DYNC2H1: variants seen among roughly 807,000 people sequenced by gnomAD.
DYNC2H1 encodes cytoplasmic dynein 2 heavy chain 1.
A neutral mutation model predicts 570.0 loss-of-function variants in DYNC2H1; 410 were observed. The ratio of observed to expected loss-of-function variants is 0.72; its 90% CI spans 0.66 to 0.78. The LOEUF (loss-of-function observed/expected upper bound fraction) is 0.78, where lower values mean the gene tolerates loss of function less well. DYNC2H1 is among the 30% of genes least tolerant of loss of function. The pLI, the probability that DYNC2H1 is intolerant of heterozygous loss-of-function variation, is 0.00. For missense variants in DYNC2H1, 4,865 were observed against 5,046.4 expected, an observed-to-expected ratio of 0.96 and a Z score of 1.09; for synonymous variants, 1,688 against 1,677.6, an observed-to-expected ratio of 1.01 and a Z score of -0.15.
At position 103,149,388 on chromosome 11, in the gene DYNC2H1, T is replaced by C. The variant is rs1591318824; in HGVS notation, c.2946+771T>C. Among the ~76,000 whole-genome samples the C allele has an allele frequency of 2.6e-5, 4 of 152,340 alleles. No individual in the cohort carries two copies. In the South Asian group the frequency reaches 8.3e-4, roughly 32 times the overall value. On this transcript the variant is annotated intron_variant, in intron 20 of 88. Transcript: ENST00000375735. Reference sequence around the variant, plus strand: ...GCCCAGAATAGACAAGCCAAAGTTTTATAACATATTATAGAGATTTTAGTT... The same window carrying C: ...GCCCAGAATAGACAAGCCAAAGTTTCATAACATATTATAGAGATTTTAGTT...
intron 88 of DYNC2H1, among the ~76,000 whole-genome samples, chr11:103,477,966 T>G (rs1465284689): frequency 6.6e-6 from 1 of 150,976 alleles, no homozygotes; most frequent in Non-Finnish European, 1.5e-5. Flanking sequence ...ATATAAAAGA[T>G]GAACTTGTAT....
rs1861651550 is a variant in DYNC2H1 at position 103,173,321 on chromosome 11, C to G, written c.5558+16C>G. ...ATCTATCTAGGTGAGTTTTCTTGTT[C>G]TAAATATTTTTATATTTTACATTTC... On this transcript the variant is annotated intron_variant, in intron 35 of 88. Transcript: ENST00000375735. 1.5e-5 allele frequency: 22 copies of G among 1,480,150 alleles called. No homozygotes were observed. The highest frequency in any genetic ancestry group is 2.6e-5 in the East Asian group (1 of 38,552). 91.7% of individuals were successfully genotyped at this position (1,480,150 alleles called of 1,614,324 possible). A position where few individuals can be genotyped will look rare whatever the true frequency, so the allele number is the denominator to read the frequency against.
intron 83 of DYNC2H1, among the ~76,000 whole-genome samples, chr11:103,371,996 A>C (rs567104921): frequency 1.2e-3 from 129 of 110,604 alleles, no homozygotes; most frequent in African/African-American, 4.5e-3. Flanking sequence ...TCCTATGTTG[A>C]ATAAAAGTAG....
At chr11:103,438,366 T>C (rs1392696289) in intron 85 of DYNC2H1, among the ~76,000 whole-genome samples, 3 of 152,144 alleles carry the variant, frequency 2.0e-5, no homozygotes, top group Non-Finnish European at 2.9e-5. Context: ...CAGCTTGTGA[T>C]ACTTGGAGAG....
rs541991692 is a variant in DYNC2H1 at position 103,479,032 on chromosome 11, A to G, written c.12766-63A>G. ...TATTAATATGTTTGTTTCCTTGGTTATCTAATAATCTGTTTCCAAATAGTG... is the reference window on the plus strand; with the variant it reads ...TATTAATATGTTTGTTTCCTTGGTTGTCTAATAATCTGTTTCCAAATAGTG... On this transcript the variant is annotated intron_variant, in intron 88 of 88. Coordinates refer to ENST00000375735, the MANE Select transcript of DYNC2H1 (RefSeq NM_001377.3). The G allele has an allele frequency of 8.4e-6, 13 of 1,545,618 alleles. No homozygotes were observed. The South Asian group carries it at 1.5e-4, about 18-fold the overall frequency.
intron 69 of DYNC2H1, among the ~76,000 whole-genome samples, chr11:103,258,699 T>C (rs1293827574): frequency 6.6e-6 from 1 of 152,184 alleles, no homozygotes; most frequent in Non-Finnish European, 1.5e-5. Context: ...TGTGTTTCAG[T>C]GAATAAGGCT....
At chr11:103,431,235 TA>T in intron 84 of DYNC2H1, among the ~76,000 whole-genome samples, 1 of 131,806 alleles carries the variant, frequency 7.6e-6, no homozygotes, top group African/African-American at 2.8e-5. Context: ...AAAAAAAAAC[TA>T]AAAAACTTTA....
chr11:103,470,141 A>G (rs750380547), intron 88 of DYNC2H1, among the ~76,000 whole-genome samples: 1 of 152,178 alleles, frequency 6.6e-6, no homozygotes, highest in Non-Finnish European at 1.5e-5. Flanking sequence ...CCACGTACTG[A>G]ACGCAAATCA....
At chr11:103,162,094 A>G (rs2134924102) in intron 29 of DYNC2H1, among the ~76,000 whole-genome samples, 1 of 152,256 alleles carries the variant, frequency 6.6e-6, no homozygotes, top group East Asian at 1.9e-4. Flanking sequence ...GGATATACAC[A>G]GAGGGACAGA....
At chr11:103,165,113 T>C (rs1861247963) in intron 30 of DYNC2H1, among the ~76,000 whole-genome samples, 1 of 152,144 alleles carries the variant, frequency 6.6e-6, no homozygotes, top group African/African-American at 2.4e-5. Flanking sequence ...AAAAGAACCA[T>C]AATGTAATAT....
At chr11:103,332,544 TG>T (rs1938870894) in intron 82 of DYNC2H1, among the ~76,000 whole-genome samples, 1 of 152,096 alleles carries the variant, frequency 6.6e-6, no homozygotes, top group Non-Finnish European at 1.5e-5. Context: ...GAAAGTATTG[TG>T]GGGGAAACAC....
intron 12 of DYNC2H1, among the ~76,000 whole-genome samples, chr11:103,127,245 A>C (rs2134743147): frequency 6.6e-6 from 1 of 152,332 alleles, no homozygotes. Context: ...CTGACACAAT[A>C]GGAGCTCAAA....
chr11:103,241,427 A>G lies in DYNC2H1; in HGVS notation c.9820-2266A>G. ...CTGTCTGGAGACGTAAAATAAGATG[A>G]CAACAAACTTTTAAGTACCCTTTGA... On this transcript the variant is annotated intron_variant, in intron 63 of 88. Coordinates refer to ENST00000375735, the MANE Select transcript of DYNC2H1 (RefSeq NM_001377.3). This position sits in a 1 kb window ranked among gnomAD's most constrained non-coding sequence, Gnocchi z 5.1. 9.8e-7 allele frequency: 1 copy of G among 1,023,182 alleles called. No individual in the cohort carries two copies. The highest frequency in any genetic ancestry group is 1.5e-6 in the Non-Finnish European group (1 of 681,860). 63.4% of individuals were successfully genotyped at this position (1,023,182 alleles called of 1,614,324 possible).
intron 54 of DYNC2H1, among the ~76,000 whole-genome samples, chr11:103,214,923 G>C (rs1036255261): frequency 6.6e-6 from 1 of 151,500 alleles, no homozygotes; most frequent in African/African-American, 2.4e-5. Context: ...CTGTAAATAG[G>C]ATTGCCTTCT....
chr11:103,241,403 T>C lies in DYNC2H1; in HGVS notation c.9820-2290T>C. 1 of 753,506 alleles carries C rather than the reference T, an allele frequency of 1.3e-6. No individual in the cohort carries two copies. 46.7% of individuals were successfully genotyped at this position (753,506 alleles called of 1,614,324 possible). ...GTACCATAGAAATCTTATCTAAATC[T>C]GTCTGGAGACGTAAAATAAGATGAC... On this transcript the variant is annotated intron_variant, in intron 63 of 88. Coordinates refer to ENST00000375735, the MANE Select transcript of DYNC2H1 (RefSeq NM_001377.3). This position sits in a 1 kb window ranked among gnomAD's most constrained non-coding sequence, Gnocchi z 5.1.
chr11:103,125,257 G>A lies in DYNC2H1; in HGVS notation c.1819G>A (p.Ala607Thr), dbSNP rs1387699478. The A allele has an allele frequency of 1.2e-6, 2 of 1,609,650 alleles. No individual in the cohort carries two copies. The highest frequency in any genetic ancestry group is 1.1e-5 in the South Asian group (1 of 90,138). The part of the protein sequence containing the change: ...PAKIQQVANI[A>T]QKFCKQAIIL... The stretch of plus-strand genomic sequence containing the variant: ...CAAAATACAGCAAGTTGCAAACATT[G>A]CACAGAAATTCTGCAAGCAAGCAAT... Residue 607 changes from alanine (A) to threonine (T), a missense_variant, in exon 12 of 89, where the codon GCA becomes ACA. Ala to Thr is a moderately conservative substitution (Grantham distance 58, BLOSUM62 0). Around this residue, in one of 5 missense-constraint regions of DYNC2H1, gnomAD observed 1,936 missense variants for 1,962.1 expected, o/e 0.99. Coordinates refer to ENST00000375735, the MANE Select transcript of DYNC2H1 (RefSeq NM_001377.3).
intron 18 of DYNC2H1, among the ~76,000 whole-genome samples, 190 bp downstream of exon 18, chr11:103,143,585 G>A (rs1860081576): frequency 6.6e-6 from 1 of 152,046 alleles, no homozygotes; most frequent in Non-Finnish European, 1.5e-5. Flanking sequence ...TAGAAGCTCT[G>A]CTGGCGGAGA....
At chr11:103,411,049 A>G (rs772347994) in intron 84 of DYNC2H1, among the ~76,000 whole-genome samples, 2 of 152,200 alleles carry the variant, frequency 1.3e-5, no homozygotes, top group African/African-American at 2.4e-5. Context: ...GACCAAACCT[A>G]TCTGTTTATG....
At chr11:103,236,213 A>G (rs1864211373) in intron 62 of DYNC2H1, among the ~76,000 whole-genome samples, 1 of 151,950 alleles carries the variant, frequency 6.6e-6, no homozygotes, top group African/African-American at 2.4e-5. Flanking sequence ...TGAAACAGTC[A>G]CTCAAAGAAA....
Sources: allele counts gnomAD v4.1 joint callset (sites outside exome capture counted in the v4.1 genomes callset), GRCh38; gene constraint gnomAD v4.1.1; regional missense constraint gnomAD v4.1.1; non-coding constraint Gnocchi (gnomAD v3.1); transcripts MANE v1.5; gene names NCBI Gene and HGNC (gene_info 2026-07-23, HGNC 2026-07-21).